The following ATAD5 variants were observed in gnomAD, a reference collection of about 807,000 sequenced individuals.
ATAD5 encodes the protein ATPase family AAA domain containing 5.
Under a neutral mutation model 176.9 loss-of-function variants are expected in ATAD5, and 58 were observed. The observed-to-expected ratio is 0.33, with a 90% CI of 0.27 to 0.41. The LOEUF is 0.41. ATAD5 is among the 10% of genes least tolerant of loss of function. The pLI, the probability that ATAD5 is intolerant of heterozygous loss-of-function variation, is 1.00. For synonymous variants in ATAD5, 640 were observed against 712.6 expected, an observed-to-expected ratio of 0.90 and a Z score of 1.62; for missense variants, 1,789 against 2,094.1, an observed-to-expected ratio of 0.85 and a Z score of 2.84.
At chr17:30,839,837 G>A (rs1487163286) in intron 3 of ATAD5, among the ~76,000 whole-genome samples, 1 of 150,894 alleles carries the variant, frequency 6.6e-6, no homozygotes, top group African/African-American at 2.4e-5. Context: ...CACCCACCTC[G>A]GCCTCCCAAA....
chr17:30,835,895 C>G lies in ATAD5; in HGVS notation c.1814C>G (p.Thr605Ser). 1 of 1,614,130 alleles carries G rather than the reference C, an allele frequency of 6.2e-7. No homozygotes were observed. Among genetic ancestry groups the G allele is most frequent in the African/African-American group, 1.3e-5 (1 of 75,054 alleles). Reference protein sequence around the residue: ...RRSGRISSTPTTETIRGIDSD... With the variant: ...RRSGRISSTPSTETIRGIDSD... Reference sequence around the variant, plus strand: ...TCTGGAAGAATTAGCAGCACACCTACTACAGAAACCATTAGAGGTATTGAT... The same window carrying G: ...TCTGGAAGAATTAGCAGCACACCTAGTACAGAAACCATTAGAGGTATTGAT... The change falls in exon 2 of 23, where the codon ACT becomes AGT. Residue 605 changes from threonine (T) to serine (S), a missense_variant. Around this residue, in one of 6 missense-constraint regions of ATAD5, gnomAD observed 696 missense variants for 712.5 expected, o/e 0.98. Transcript: ENST00000321990.
chr17:30,888,932 G>A (rs574560674), intron 19 of ATAD5, among the ~76,000 whole-genome samples: 4 of 151,776 alleles, frequency 2.6e-5, no homozygotes, highest in South Asian at 2.1e-4. Context: ...CGGGTGTGGC[G>A]GCACATGCCT....
intron 14 of ATAD5, among the ~76,000 whole-genome samples, chr17:30,873,689 CTTT>C (rs775055653): frequency 4.6e-5 from 6 of 129,590 alleles, no homozygotes; most frequent in African/African-American, 1.2e-4. Flanking sequence ...TAAAAATTGC[CTTT>C]TTTTTTTTTT....
chr17:30,853,768 G>A (rs964150529), intron 6 of ATAD5, among the ~76,000 whole-genome samples: 1 of 152,092 alleles, frequency 6.6e-6, no homozygotes, highest in Non-Finnish European at 1.5e-5. Flanking sequence ...TCCTGCCACT[G>A]TAGTCAGCCT....
chr17:30,878,621 C>A (rs1597989759), intron 17 of ATAD5, among the ~76,000 whole-genome samples: 1 of 148,886 alleles, frequency 6.7e-6, no homozygotes, highest in South Asian at 2.1e-4. Context: ...TATAAATATT[C>A]ATGAGGCTAG....
intron 6 of ATAD5, among the ~76,000 whole-genome samples, chr17:30,850,368 T>G (rs553948316): frequency 2.6e-4 from 40 of 151,546 alleles, no homozygotes; most frequent in Admixed American, 1.6e-3. Context: ...CTTCTTTTTT[T>G]TTTTTTTTTA....
In ATAD5 at chr17:30,894,830, G is replaced by T; in HGVS notation, c.5457-5G>T. 6.3e-7 allele frequency: 1 copy of T among 1,580,598 alleles called. No homozygotes were observed. Among genetic ancestry groups the T allele is most frequent in the South Asian group, 1.2e-5 (1 of 84,498 alleles). On this transcript the variant is annotated splice_region_variant and splice_polypyrimidine_tract_variant and intron_variant, in intron 22 of 22. Coordinates refer to ENST00000321990, the MANE Select transcript of ATAD5 (RefSeq NM_024857.5). ...AAATTGTATTTTTCTTTGTAATTTT[G>T]ACAGATTCCTGCACTATTTTGAAGG...
intron 19 of ATAD5, among the ~76,000 whole-genome samples, chr17:30,890,707 C>T (rs1363094245): frequency 6.6e-6 from 1 of 151,804 alleles, no homozygotes; most frequent in Non-Finnish European, 1.5e-5. Context: ...AGGCATGAGC[C>T]ACAGCACTTG....
In ATAD5 at chr17:30,879,404, T is replaced by C; in HGVS notation, c.4013-19T>C. On this transcript the variant is annotated intron_variant, in intron 17 of 22. Transcript: ENST00000321990. ...AGTGTTTAAGAATTTTTTTTTTTTGTGTGTGTGTGTGTGTGTAGACCCAAC... is the reference window on the plus strand; with the variant it reads ...AGTGTTTAAGAATTTTTTTTTTTTGCGTGTGTGTGTGTGTGTAGACCCAAC... 2.0e-6 allele frequency: 3 copies of C among 1,522,808 alleles called. No homozygotes were observed. The highest frequency in any genetic ancestry group is 2.7e-6 in the Non-Finnish European group (3 of 1,121,484). The allele number at this position is 1,522,808 out of a possible 1,614,324, so 94.3% of individuals were successfully genotyped here.
At chr17:30,869,415 A>T in intron 13 of ATAD5, 25 bp downstream of exon 13, 2 of 1,609,688 alleles carry the variant, frequency 1.2e-6, no homozygotes, top group Middle Eastern at 1.7e-4. Flanking sequence ...TGATGAGAGA[A>T]TGTTAATGTA....
intron 18 of ATAD5, among the ~76,000 whole-genome samples, chr17:30,886,553 A>G (rs1024582948): frequency 6.6e-6 from 1 of 151,788 alleles, no homozygotes; most frequent in African/African-American, 2.4e-5. Context: ...ATGGGGTATC[A>G]CCATGTTGGG....
chr17:30,894,822 G>C lies in ATAD5; in HGVS notation c.5457-13G>C. On this transcript the variant is annotated splice_polypyrimidine_tract_variant and intron_variant, in intron 22 of 22. Transcript: ENST00000321990. ...TTAATATTAAATTGTATTTTTCTTTGTAATTTTGACAGATTCCTGCACTAT... is the reference window on the plus strand; with the variant it reads ...TTAATATTAAATTGTATTTTTCTTTCTAATTTTGACAGATTCCTGCACTAT... 6.3e-7 allele frequency: 1 copy of C among 1,576,406 alleles called. No homozygotes were observed.
intron 5 of ATAD5, among the ~76,000 whole-genome samples, 154 bp downstream of exon 5, chr17:30,844,193 G>A (rs1906320952): frequency 6.6e-6 from 1 of 152,028 alleles, no homozygotes; most frequent in South Asian, 2.1e-4. Flanking sequence ...CAGCGCCGGC[G>A]GGATCTCGGC....
chr17:30,851,220 G>A (rs1272827450), intron 6 of ATAD5, among the ~76,000 whole-genome samples: 5 of 150,056 alleles, frequency 3.3e-5, no homozygotes, highest in Non-Finnish European at 5.9e-5. Flanking sequence ...TTCTGAGCTG[G>A]GTGCGGTGGC....
Position 30,840,786 on chromosome 17 carries a change from G to A in ATAD5, c.2241+5G>A. 6.3e-7 allele frequency: 1 copy of A among 1,589,312 alleles called. No homozygotes were observed. Among genetic ancestry groups the A allele is most frequent in the Non-Finnish European group, 8.5e-7 (1 of 1,172,098 alleles). On this transcript the variant is annotated splice_donor_5th_base_variant and intron_variant, in intron 4 of 22. Transcript: ENST00000321990. ...AAGAAATTGTCAGAAACAGAAGTAA[G>A]TATTATAAATATCTGTTGGTATAAA...
chr17:30,892,378 T>C (rs1049513224), intron 19 of ATAD5, among the ~76,000 whole-genome samples: 1 of 149,094 alleles, frequency 6.7e-6, no homozygotes, highest in Non-Finnish European at 1.5e-5. Flanking sequence ...TGAGCTGAAA[T>C]TGCACCACTG....
At chr17:30,855,537 C>A (rs1157402848) in intron 7 of ATAD5, among the ~76,000 whole-genome samples, 1 of 152,000 alleles carries the variant, frequency 6.6e-6, no homozygotes, top group Non-Finnish European at 1.5e-5. Flanking sequence ...GCTCAAGTTT[C>A]TTGTATAAAA....
At chr17:30,840,497 A>G in intron 3 of ATAD5, 120 bp from the exon 4 acceptor site, 1 of 731,486 alleles carries the variant, frequency 1.4e-6, no homozygotes, top group East Asian at 3.3e-5. Flanking sequence ...GCCCCTGGTA[A>G]GATTTGAATA....
chr17:30,889,364 T>C (rs1909498678), intron 19 of ATAD5, among the ~76,000 whole-genome samples: 1 of 151,072 alleles, frequency 6.6e-6, no homozygotes, highest in Non-Finnish European at 1.5e-5. Context: ...CTGTTACTTA[T>C]ACATGTATTA....
Sources: gnomAD v4.1 joint callset for allele counts (sites outside exome capture counted in the v4.1 genomes callset) on GRCh38, gnomAD v4.1.1 for gene constraint, gnomAD v4.1.1 regional missense constraint, MANE v1.5 for transcripts, NCBI Gene and HGNC (gene_info 2026-07-23, HGNC 2026-07-21) for gene names.